Variants in CFAP299 observed in about 807,000 individuals in gnomAD.
CFAP299 encodes the protein cilia- and flagella-associated protein 299.
A neutral mutation model predicts 27.0 loss-of-function variants in CFAP299; 21 were observed. That is an observed-to-expected ratio of 0.78 (90% CI 0.55 to 1.12). The LOEUF (loss-of-function observed/expected upper bound fraction) is 1.12, where lower values mean the gene tolerates loss of function less well. CFAP299 is among the 50% of genes most tolerant of loss of function. The pLI, the probability that CFAP299 is intolerant of heterozygous loss-of-function variation, is 0.00. For missense variants in CFAP299, 310 were observed against 276.6 expected (o/e 1.12, Z -0.86); for synonymous variants, 104 against 98.1 (o/e 1.06, Z -0.36).
chr4:80,504,503 A>ATATT (rs1731912698), intron 2 of CFAP299, among the ~76,000 whole-genome samples: 1 of 119,646 alleles, frequency 8.4e-6, no homozygotes, highest in African/African-American at 3.2e-5. Context: ...ATATATATAT[A>ATATT]TATTTTCCTT....
intron 4 of CFAP299, among the ~76,000 whole-genome samples, chr4:80,937,076 G>T (rs760288154): frequency 5.3e-5 from 8 of 151,106 alleles, no homozygotes; most frequent in Non-Finnish European, 1.2e-4. Flanking sequence ...TTATATTGCC[G>T]TCTGTTTCTT....
At chr4:80,413,524 A>C (rs1726837799) in intron 2 of CFAP299, among the ~76,000 whole-genome samples, 1 of 152,206 alleles carries the variant, frequency 6.6e-6, no homozygotes, top group Non-Finnish European at 1.5e-5. Context: ...GAGTAAAAAC[A>C]AAAAGGAAAG....
In CFAP299 at chr4:80,491,799, A is replaced by G. The variant is rs189847692; in HGVS notation, c.243-91294A>G. Reference sequence around the variant, plus strand: ...AAATCAAAATATTTTACCCCAAAACATGTTTCTTTGCCATATTTTGAAATG... The same window carrying G: ...AAATCAAAATATTTTACCCCAAAACGTGTTTCTTTGCCATATTTTGAAATG... On this transcript the variant is annotated intron_variant, in intron 2 of 5. Transcript: ENST00000358105. Among the ~76,000 whole-genome samples the G allele has an allele frequency of 5.0e-3, 763 of 152,292 alleles. 4 individuals carry two copies. Among genetic ancestry groups the G allele is most frequent in the Middle Eastern group, 0.017 (5 of 294 alleles).
the CFAP299 span, among the ~76,000 whole-genome samples, chr4:80,329,618 G>C: frequency 6.6e-6 from 1 of 152,128 alleles, no homozygotes; most frequent in Non-Finnish European, 1.5e-5. Flanking sequence ...GTAGAGCTGA[G>C]CATGAGTTGA....
At chr4:80,762,245 T>A (rs1300398734) in intron 3 of CFAP299, among the ~76,000 whole-genome samples, 1 of 151,974 alleles carries the variant, frequency 6.6e-6, no homozygotes, top group Non-Finnish European at 1.5e-5. Context: ...TAAAATAACA[T>A]GAAAAACTTT....
At chr4:80,452,351 AAATT>A (rs1728943603) in intron 2 of CFAP299, among the ~76,000 whole-genome samples, 1 of 151,756 alleles carries the variant, frequency 6.6e-6, no homozygotes, top group East Asian at 1.9e-4. Flanking sequence ...CCCAACCCAT[AAATT>A]ATAGGACATG....
chr4:80,962,967 G>A (rs13135382), intron 5 of CFAP299, among the ~76,000 whole-genome samples: 11,340 of 151,540 alleles, frequency 0.075, 538 homozygotes, highest in South Asian at 0.18. Flanking sequence ...GGTAAACTAT[G>A]CTAATTTTTT....
intron 3 of CFAP299, among the ~76,000 whole-genome samples, chr4:80,737,747 A>G (rs1723994495): frequency 6.6e-6 from 1 of 152,088 alleles, no homozygotes; most frequent in South Asian, 2.1e-4. Flanking sequence ...CAAAAAAAGA[A>G]GAAAAAAATT....
chr4:80,647,310 C>T (rs1390218543), intron 3 of CFAP299, among the ~76,000 whole-genome samples: 1 of 152,078 alleles, frequency 6.6e-6, no homozygotes, highest in African/African-American at 2.4e-5. Context: ...TCAGTCAAGT[C>T]TCAGACACAT....
chr4:80,913,525 C>G (rs1735584555), intron 4 of CFAP299, among the ~76,000 whole-genome samples: 1 of 152,114 alleles, frequency 6.6e-6, no homozygotes, highest in Admixed American at 6.6e-5. Context: ...GAGAGAGAGG[C>G]AGGTGCTAAG....
chr4:80,808,782 A>G (rs755369942), intron 3 of CFAP299, among the ~76,000 whole-genome samples: 1 of 152,138 alleles, frequency 6.6e-6, no homozygotes, highest in Non-Finnish European at 1.5e-5. Context: ...TCTGAGAGCC[A>G]CAATTATAGG....
At chr4:80,653,832 C>T (rs1347249384) in intron 3 of CFAP299, among the ~76,000 whole-genome samples, 6 of 152,022 alleles carry the variant, frequency 3.9e-5, no homozygotes, top group Non-Finnish European at 7.4e-5. Context: ...AGATGTTATT[C>T]GTGTTAAACA....
intron 3 of CFAP299, among the ~76,000 whole-genome samples, chr4:80,728,851 G>A (rs1723313649): frequency 6.6e-6 from 1 of 152,150 alleles, no homozygotes. Flanking sequence ...TAGTGTGAGA[G>A]AGGAATCCTA....
chr4:80,864,382 C>T (rs1732563248), intron 3 of CFAP299, among the ~76,000 whole-genome samples: 1 of 146,846 alleles, frequency 6.8e-6, no homozygotes, highest in Non-Finnish European at 1.5e-5. Context: ...GTTTTATTGT[C>T]AATTGGGTGT....
chr4:80,773,406 C>CAGA, intron 3 of CFAP299, among the ~76,000 whole-genome samples: 1 of 152,138 alleles, frequency 6.6e-6, no homozygotes, highest in East Asian at 1.9e-4. Context: ...GTCCTATTAG[C>CAGA]CTATCCTATT....
At chr4:80,670,540 T>G (rs1328687542) in intron 3 of CFAP299, among the ~76,000 whole-genome samples, 1 of 152,194 alleles carries the variant, frequency 6.6e-6, no homozygotes, top group Non-Finnish European at 1.5e-5. Flanking sequence ...TATTTCTAGA[T>G]CTAGATCCTT....
intron 3 of CFAP299, among the ~76,000 whole-genome samples, chr4:80,674,063 TATG>T (rs1180445281): frequency 1.3e-5 from 2 of 152,186 alleles, no homozygotes; most frequent in Non-Finnish European, 2.9e-5. Flanking sequence ...ATCCTGTCAT[TATG>T]ATGTTAGCTG....
intron 4 of CFAP299, among the ~76,000 whole-genome samples, chr4:80,905,650 C>G (rs1408800209): frequency 3.3e-5 from 5 of 152,068 alleles, no homozygotes; most frequent in African/African-American, 4.8e-5. Context: ...AGGAAACTTA[C>G]AAACTTGGTG....
At chr4:80,471,583 TG>T (rs540270360) in intron 2 of CFAP299, among the ~76,000 whole-genome samples, 3,890 of 21,684 alleles carry the variant, frequency 0.18, 125 homozygotes, top group Middle Eastern at 0.32. Flanking sequence ...GGGGTGGGGG[TG>T]GGGGGGAGCA....
Sources: gnomAD v4.1 joint callset for allele counts (sites outside exome capture counted in the v4.1 genomes callset) on GRCh38, gnomAD v4.1.1 for gene constraint, MANE v1.5 for transcripts, NCBI Gene and HGNC (gene_info 2026-07-23, HGNC 2026-07-21) for gene names.